CLIP2: variants seen among roughly 807,000 people sequenced by gnomAD.
CLIP2 encodes CAP-Gly domain-containing linker protein 2.
Under a neutral mutation model 111.7 loss-of-function variants are expected in CLIP2, and 41 were observed. The observed-to-expected ratio is 0.37, with a 90% CI of 0.29 to 0.48. CLIP2 has a LOEUF of 0.48. Ranked by LOEUF, CLIP2 falls within the 20% of genes least tolerant of loss-of-function variation. The pLI is 0.99. For synonymous variants in CLIP2, 660 were observed against 644.2 expected (o/e 1.02, Z -0.37); for missense variants, 1,160 against 1,422.1 (o/e 0.82, Z 2.96).
At chr7:74,402,298 C>T (rs954197800) in intron 16 of CLIP2, among the ~76,000 whole-genome samples, 3 of 149,858 alleles carry the variant, frequency 2.0e-5, no homozygotes, top group African/African-American at 4.9e-5. Context: ...CCACTGGACT[C>T]CAGCCTGGGC....
At chr7:74,327,810 C>T (rs1227345380) in intron 2 of CLIP2, among the ~76,000 whole-genome samples, 1 of 152,196 alleles carries the variant, frequency 6.6e-6, no homozygotes, top group Non-Finnish European at 1.5e-5. Flanking sequence ...CAGCACCTGT[C>T]TGCCTGCCTG....
chr7:74,359,510 C>A (rs782737087), intron 6 of CLIP2, among the ~76,000 whole-genome samples: 7 of 151,760 alleles, frequency 4.6e-5, no homozygotes, highest in African/African-American at 1.7e-4. Flanking sequence ...CCCACCACCA[C>A]GCCCAGCTAA....
At chr7:74,329,088 T>G (rs1425295647) in intron 2 of CLIP2, among the ~76,000 whole-genome samples, 6 of 20,008 alleles carry the variant, frequency 3.0e-4, no homozygotes, top group Admixed American at 5.6e-4. Flanking sequence ...TTTTTTTTGG[T>G]TTTTTTTTTT....
intron 2 of CLIP2, among the ~76,000 whole-genome samples, chr7:74,329,343 C>A (rs1789212496): frequency 6.6e-6 from 1 of 151,988 alleles, no homozygotes; most frequent in South Asian, 2.1e-4. Flanking sequence ...CCACACCCGG[C>A]CAGCATGATG....
chr7:74,306,557 G>A (rs1564028384), intron 1 of CLIP2, among the ~76,000 whole-genome samples: 1 of 152,190 alleles, frequency 6.6e-6, no homozygotes, highest in Admixed American at 6.5e-5. Flanking sequence ...CTCCGCCGGG[G>A]CCCTGATTGG....
At chr7:74,356,347 G>A (rs1002014047) in intron 4 of CLIP2, 63 bp from the exon 5 acceptor site, 5 of 1,357,454 alleles carry the variant, frequency 3.7e-6, no homozygotes, top group African/African-American at 2.9e-5. Context: ...GGCAGAGGAG[G>A]CAGGGGAGGC....
At chr7:74,357,153 G>C in intron 5 of CLIP2, 127 bp from the exon 6 acceptor site, 1 of 731,000 alleles carries the variant, frequency 1.4e-6, no homozygotes, top group Non-Finnish European at 2.4e-6. Context: ...GGGAAGAGCA[G>C]GACCCTGGGA....
chr7:74,357,606 C>T, intron 6 of CLIP2, 129 bp downstream of exon 6: 1 of 773,966 alleles, frequency 1.3e-6, no homozygotes, highest in Non-Finnish European at 2.1e-6. Flanking sequence ...AGTACCTGTC[C>T]CCCGCTTTCC....
In CLIP2 at chr7:74,386,797, C is replaced by T. The variant is rs1208449050; in HGVS notation, c.2563+193C>T. Among the ~76,000 whole-genome samples, 9 of 152,034 alleles carry T rather than the reference C, an allele frequency of 5.9e-5. No homozygotes were observed. The South Asian group carries it at 6.2e-4, about 11-fold the overall frequency. On this transcript the variant is annotated intron_variant, in intron 12 of 16. Coordinates refer to ENST00000223398, the MANE Select transcript of CLIP2 (RefSeq NM_003388.5). ...CAGCACTTTGGGAGTCCGAGGCAGG[C>T]GGATCACCTGAGGTCAGGAGTTCGA...
chr7:74,316,596 C>G (rs1296850761), intron 1 of CLIP2, among the ~76,000 whole-genome samples: 3 of 151,012 alleles, frequency 2.0e-5, no homozygotes, highest in African/African-American at 4.9e-5. Flanking sequence ...GAGTCTCACT[C>G]TGTTGTCCAG....
intron 2 of CLIP2, among the ~76,000 whole-genome samples, chr7:74,324,159 A>C (rs1789050988): frequency 6.6e-6 from 1 of 151,884 alleles, no homozygotes; most frequent in Non-Finnish European, 1.5e-5. Flanking sequence ...TGCCCGGCTA[A>C]TTTTGTATTT....
chr7:74,317,740 A>G (rs1020548798), intron 2 of CLIP2, 73 bp downstream of exon 2: 22 of 1,351,168 alleles, frequency 1.6e-5, no homozygotes, highest in East Asian at 2.7e-5. Context: ...GAAGAGCCCC[A>G]GGAGCACAGG....
chr7:74,342,974 G>A (rs1352699863), intron 3 of CLIP2, among the ~76,000 whole-genome samples: 5 of 151,440 alleles, frequency 3.3e-5, no homozygotes, highest in Non-Finnish European at 7.4e-5. Context: ...GGCGGAGCTT[G>A]CAGTGAGCCA....
At chr7:74,290,742 C>G (rs1279266669) in intron 1 of CLIP2, among the ~76,000 whole-genome samples, 5 of 152,194 alleles carry the variant, frequency 3.3e-5, no homozygotes, top group African/African-American at 1.2e-4. Context: ...GGGAGCACCA[C>G]GTGTGTGCTT....
intron 3 of CLIP2, among the ~76,000 whole-genome samples, chr7:74,350,156 C>T (rs1307986202): frequency 3.9e-5 from 6 of 151,958 alleles, no homozygotes; most frequent in African/African-American, 9.7e-5. Flanking sequence ...TGGGTTCAAG[C>T]GATTCTCATC....
intron 1 of CLIP2, among the ~76,000 whole-genome samples, chr7:74,303,501 G>A (rs531384285): frequency 1.3e-5 from 2 of 152,136 alleles, no homozygotes; most frequent in Non-Finnish European, 2.9e-5. Context: ...TGGCCTGGCA[G>A]TGAGCATTTT....
chr7:74,395,130 T>G (rs1353407419), intron 13 of CLIP2, among the ~76,000 whole-genome samples: 1 of 151,952 alleles, frequency 6.6e-6, no homozygotes, highest in East Asian at 1.9e-4. Flanking sequence ...GTTATGAGAT[T>G]CCTCCCTTCT....
intron 7 of CLIP2, 24 bp downstream of exon 7, chr7:74,360,302 C>T (rs1554309492): frequency 6.5e-7 from 1 of 1,548,020 alleles, no homozygotes; most frequent in Non-Finnish European, 8.8e-7. Context: ...CACCCTCGCC[C>T]TGGCCCTGAG....
intron 3 of CLIP2, among the ~76,000 whole-genome samples, chr7:74,345,843 G>A (rs971350469): frequency 1.3e-5 from 2 of 152,064 alleles, no homozygotes; most frequent in Middle Eastern, 3.4e-3. Context: ...ATGAGACTCT[G>A]TCTCAAGAAA....
Sources: allele counts gnomAD v4.1 joint callset (sites outside exome capture counted in the v4.1 genomes callset), GRCh38; gene constraint gnomAD v4.1.1; transcripts MANE v1.5; gene names NCBI Gene and HGNC (gene_info 2026-07-23, HGNC 2026-07-21).